FHIT: variants seen among roughly 807,000 people sequenced by gnomAD.
FHIT encodes fragile histidine triad diadenosine triphosphatase.
Under a neutral mutation model 17.9 loss-of-function variants are expected in FHIT, and 19 were observed. The observed-to-expected ratio is 1.06, with a 90% confidence interval of 0.74 to 1.56. The LOEUF is 1.56. Among genes scored for constraint, FHIT ranks in the 40% most tolerant of loss-of-function variants. The pLI, the probability that FHIT is intolerant of heterozygous loss-of-function variation, is 0.00. For missense variants in FHIT, 248 were observed against 189.2 expected (o/e 1.31, Z -1.82); for synonymous variants, 81 against 69.7 (o/e 1.16, Z -0.81).
At chr3:59,924,247 C>G (rs1705547702) in intron 7 of FHIT, among the ~76,000 whole-genome samples, 1 of 152,132 alleles carries the variant, frequency 6.6e-6, no homozygotes, top group Admixed American at 6.6e-5. Context: ...TCCAGAATCT[C>G]CTGCCATCCT....
intron 5 of FHIT, among the ~76,000 whole-genome samples, chr3:60,292,908 G>T (rs1022353190): frequency 5.3e-5 from 8 of 151,994 alleles, no homozygotes; most frequent in Non-Finnish European, 1.0e-4. Flanking sequence ...CACCAAACTA[G>T]AAATCTGCTG....
chr3:60,809,548 G>T (rs578092580), intron 4 of FHIT, among the ~76,000 whole-genome samples: 1 of 152,278 alleles, frequency 6.6e-6, no homozygotes, highest in Non-Finnish European at 1.5e-5. Flanking sequence ...CTCCTCTGAA[G>T]TTTCACTGAA....
rs146920636 is a variant in FHIT, at chr3:60,861,541, G to A, written c.-110-39530C>T. ...AAATGTCACCTGCAAAATCGCCTCC[G>A]ATTGAGAACCAGCAGCCCACACTGG... On this transcript the variant is annotated intron_variant, in intron 3 of 9. Transcript: ENST00000492590. Among the ~76,000 whole-genome samples, 167 of 151,726 alleles carry A rather than the reference G, an allele frequency of 1.1e-3. 1 individual carries two copies. Among genetic ancestry groups the A allele is most frequent in the African/African-American group, 3.0e-3 (126 of 41,360 alleles).
At chr3:60,483,892 C>T (rs2033724764) in intron 5 of FHIT, among the ~76,000 whole-genome samples, 1 of 152,160 alleles carries the variant, frequency 6.6e-6, no homozygotes, top group South Asian at 2.1e-4. Context: ...TAAATTGTCT[C>T]TGTTTAGAGA....
At chr3:60,251,294 C>T (rs2083550478) in intron 5 of FHIT, among the ~76,000 whole-genome samples, 1 of 152,126 alleles carries the variant, frequency 6.6e-6, no homozygotes, top group African/African-American at 2.4e-5. Context: ...TATGGAATGC[C>T]TTGGCTCTCT....
At chr3:60,776,064 G>T (rs1268504068) in intron 4 of FHIT, among the ~76,000 whole-genome samples, 1 of 152,038 alleles carries the variant, frequency 6.6e-6, no homozygotes, top group African/African-American at 2.4e-5. Flanking sequence ...TACTAGGCTA[G>T]CCTCCACCCA....
chr3:61,043,493 A>G (rs2033630094), intron 2 of FHIT, among the ~76,000 whole-genome samples: 2 of 152,286 alleles, frequency 1.3e-5, no homozygotes, highest in East Asian at 3.9e-4. Context: ...AACTGGGTGG[A>G]GCCCACCGCA....
intron 8 of FHIT, among the ~76,000 whole-genome samples, chr3:59,805,033 T>C (rs1301232440): frequency 2.0e-5 from 3 of 152,078 alleles, no homozygotes; most frequent in Non-Finnish European, 4.4e-5. Context: ...TCTGTTTGCT[T>C]TGTTTCCAGG....
At chr3:60,829,103 A>G (rs754235779) in intron 3 of FHIT, among the ~76,000 whole-genome samples, 1 of 152,198 alleles carries the variant, frequency 6.6e-6, no homozygotes, top group Non-Finnish European at 1.5e-5. Context: ...GAATAGCTCA[A>G]TTAAATCTAA....
At chr3:59,805,833 G>A (rs970902354) in intron 8 of FHIT, among the ~76,000 whole-genome samples, 2 of 152,094 alleles carry the variant, frequency 1.3e-5, no homozygotes, top group Admixed American at 6.6e-5. Flanking sequence ...ATGATGCTGG[G>A]TATGCTACTC....
intron 3 of FHIT, among the ~76,000 whole-genome samples, chr3:60,990,800 T>G (rs1335892642): frequency 6.6e-6 from 1 of 152,220 alleles, no homozygotes; most frequent in Non-Finnish European, 1.5e-5. Flanking sequence ...CCACAGCATG[T>G]AAAGTCACAT....
intron 4 of FHIT, among the ~76,000 whole-genome samples, chr3:60,744,269 A>AAAAAAAAC (rs1559688145): frequency 0.079 from 1,220 of 15,500 alleles, 12 homozygotes; most frequent in African/African-American, 0.12. Context: ...AAAACAAAAC[A>AAAAAAAAC]AAAAAAAAAA....
At position 60,566,789 on chromosome 3, in the gene FHIT, AT is replaced by A. The variant is rs1440252167; in HGVS notation, c.-17-29811del. Among the ~76,000 whole-genome samples, 22 of 151,676 alleles carry A rather than the reference AT, an allele frequency of 1.5e-4. 1 individual carries two copies. The East Asian group carries it at 4.1e-3, about 28-fold the overall frequency. ...CAAGATACAAAATCAATGTGCAAAAATCACAAGCATTCTTATACACCAACAA... is the reference window on the plus strand; with the variant it reads ...CAAGATACAAAATCAATGTGCAAAAACACAAGCATTCTTATACACCAACAA... On this transcript the variant is annotated intron_variant, in intron 4 of 9. Coordinates refer to ENST00000492590, the MANE Select transcript of FHIT (RefSeq NM_002012.4).
At chr3:61,029,943 G>A (rs1432250771) in intron 3 of FHIT, among the ~76,000 whole-genome samples, 1 of 152,102 alleles carries the variant, frequency 6.6e-6, no homozygotes, top group African/African-American at 2.4e-5. Context: ...CTCCACCCTA[G>A]ACCTGAATCA....
intron 5 of FHIT, among the ~76,000 whole-genome samples, chr3:60,184,274 G>C (rs73831978): frequency 0.011 from 1,702 of 151,920 alleles, 31 homozygotes; most frequent in African/African-American, 0.04. Flanking sequence ...CTATTTTATT[G>C]GGATTTCCTT....
chr3:60,600,857 C>T (rs2038421045), intron 4 of FHIT, among the ~76,000 whole-genome samples: 1 of 152,208 alleles, frequency 6.6e-6, no homozygotes, highest in Non-Finnish European at 1.5e-5. Context: ...GATGCCCCCT[C>T]TGGGCAGACC....
intron 5 of FHIT, among the ~76,000 whole-genome samples, chr3:60,329,062 T>G (rs537968662): frequency 6.6e-6 from 1 of 152,248 alleles, no homozygotes; most frequent in Non-Finnish European, 1.5e-5. Context: ...CAAAGCCTTT[T>G]GAATTTCATA....
rs1701906842 is a variant in FHIT, at chr3:59,768,380, A to T, written c.349-16059T>A. Reference sequence around the variant, plus strand: ...CCTGTTTCCATCTCATGTGAGTAGGAGTTATTCTTTAAACAACTGCCTTGT... The same window carrying T: ...CCTGTTTCCATCTCATGTGAGTAGGTGTTATTCTTTAAACAACTGCCTTGT... On this transcript the variant is annotated intron_variant, in intron 8 of 9. Coordinates refer to ENST00000492590, the MANE Select transcript of FHIT (RefSeq NM_002012.4). Among the ~76,000 whole-genome samples the T allele has an allele frequency of 2.7e-5, 4 of 150,268 alleles. 1 individual carries two copies. Among genetic ancestry groups the T allele is most frequent in the African/African-American group, 9.7e-5 (4 of 41,300 alleles).
chr3:60,253,212 A>G (rs1333287843), intron 5 of FHIT, among the ~76,000 whole-genome samples: 1 of 152,152 alleles, frequency 6.6e-6, no homozygotes, highest in African/African-American at 2.4e-5. Context: ...TAATTAATAC[A>G]TTTTTACTTA....
Sources: gnomAD v4.1 joint callset for allele counts (sites outside exome capture counted in the v4.1 genomes callset) on GRCh38, gnomAD v4.1.1 for gene constraint, MANE v1.5 for transcripts, NCBI Gene and HGNC (gene_info 2026-07-23, HGNC 2026-07-21) for gene names.